Variants in L3MBTL4 observed in about 807,000 individuals in gnomAD.
L3MBTL4 encodes L3MBTL histone methyl-lysine binding protein 4.
A neutral mutation model predicts 84.5 loss-of-function variants in L3MBTL4; 70 were observed. The ratio of observed to expected loss-of-function variants is 0.83; its 90% CI spans 0.68 to 1.01. The LOEUF (loss-of-function observed/expected upper bound fraction) is 1.01, where lower values mean the gene tolerates loss of function less well. L3MBTL4 is among the 50% of genes least tolerant of loss of function. The pLI, the probability that L3MBTL4 is intolerant of heterozygous loss-of-function variation, is 0.00. For synonymous variants in L3MBTL4, 274 were observed against 259.8 expected, an observed-to-expected ratio of 1.05 and a Z score of -0.52; for missense variants, 715 against 754.8, an observed-to-expected ratio of 0.95 and a Z score of 0.62.
chr18:6,059,947 A>G (rs1323215112), intron 16 of L3MBTL4, among the ~76,000 whole-genome samples: 3 of 152,218 alleles, frequency 2.0e-5, no homozygotes, highest in Non-Finnish European at 4.4e-5. Context: ...AACTGACTAC[A>G]TTCTATTCTA....
chr18:6,020,704 A>G (rs1294172861), intron 16 of L3MBTL4, among the ~76,000 whole-genome samples: 1 of 152,124 alleles, frequency 6.6e-6, no homozygotes, highest in African/African-American at 2.4e-5. Context: ...GTTATAGGTG[A>G]TTTGTGAAGG....
At chr18:6,208,827 C>A (rs1176472082) in intron 12 of L3MBTL4, among the ~76,000 whole-genome samples, 2 of 152,220 alleles carry the variant, frequency 1.3e-5, no homozygotes, top group African/African-American at 2.4e-5. Flanking sequence ...GAGCAACCAT[C>A]ATAATTAATA....
chr18:6,275,651 C>T (rs1322573152), intron 4 of L3MBTL4, among the ~76,000 whole-genome samples: 1 of 152,154 alleles, frequency 6.6e-6, no homozygotes, highest in Admixed American at 6.5e-5. Context: ...AAAATGGTAC[C>T]TTCACATGTG....
At chr18:6,035,486 C>G (rs1310773520) in intron 16 of L3MBTL4, among the ~76,000 whole-genome samples, 32 of 151,702 alleles carry the variant, frequency 2.1e-4, no homozygotes, top group Admixed American at 5.9e-4. Flanking sequence ...TCTGAGGGCT[C>G]TGTTCTGTTC....
At chr18:6,107,262 G>C (rs62079170) in intron 14 of L3MBTL4, among the ~76,000 whole-genome samples, 733 of 152,316 alleles carry the variant, frequency 4.8e-3, no homozygotes, top group Non-Finnish European at 6.8e-3. Flanking sequence ...CAGTTCAAGA[G>C]AGGAGACAGA....
intron 10 of L3MBTL4, among the ~76,000 whole-genome samples, chr18:6,227,797 A>G (rs1218767372): frequency 1.3e-5 from 2 of 152,152 alleles, no homozygotes; most frequent in African/African-American, 4.8e-5. Context: ...TCAGTTTCTG[A>G]GTAGCTGGGA....
intron 1 of L3MBTL4, among the ~76,000 whole-genome samples, chr18:6,357,451 A>G (rs1208730588): frequency 1.3e-5 from 2 of 152,298 alleles, no homozygotes; most frequent in African/African-American, 4.8e-5. Flanking sequence ...TATCTTTTCT[A>G]TAAAACCAGC....
rs1403370595 is a variant in L3MBTL4, at chr18:5,969,243, A to G, written c.1614+150T>C. ...AGAATCATATCTGGCTTCTCCCTCT[A>G]ATTTAGGTTTTAAAGTTTACATGGC... On this transcript the variant is annotated intron_variant, in intron 17 of 18. Transcript: ENST00000317931. The G allele has an allele frequency of 5.0e-6, 4 of 805,732 alleles. No homozygotes were observed. The African/African-American group carries it at 5.2e-5, about 10-fold the overall frequency. The allele number at this position is 805,732 out of a possible 1,614,324, so 49.9% of individuals were successfully genotyped here.
chr18:6,277,819 A>G (rs1417521742), intron 4 of L3MBTL4, among the ~76,000 whole-genome samples: 1 of 152,124 alleles, frequency 6.6e-6, no homozygotes, highest in Non-Finnish European at 1.5e-5. Context: ...AGGTAATAAT[A>G]AGTTTTTGTA....
chr18:6,042,358 T>TACGTGCACACACACAGAC (rs943479792), intron 16 of L3MBTL4, among the ~76,000 whole-genome samples: 3 of 151,526 alleles, frequency 2.0e-5, no homozygotes, highest in Non-Finnish European at 4.4e-5. Context: ...CACACACACA[T>TACGTGCACACACACAGAC]ACGTGCACAC....
At chr18:6,068,063 C>T (rs2057456391) in intron 16 of L3MBTL4, among the ~76,000 whole-genome samples, 1 of 152,074 alleles carries the variant, frequency 6.6e-6, no homozygotes, top group South Asian at 2.1e-4. Context: ...GGGGAAGACT[C>T]TGTAGGAGTT....
At chr18:6,248,630 T>C (rs974808358) in intron 5 of L3MBTL4, among the ~76,000 whole-genome samples, 5 of 152,214 alleles carry the variant, frequency 3.3e-5, no homozygotes, top group African/African-American at 1.2e-4. Context: ...TTTGTAAAGA[T>C]AAGCAGTTAT....
intron 1 of L3MBTL4, among the ~76,000 whole-genome samples, chr18:6,319,454 G>A (rs1313282016): frequency 6.6e-6 from 1 of 151,838 alleles, no homozygotes; most frequent in Non-Finnish European, 1.5e-5. Flanking sequence ...ATGACATTAC[G>A]ACCAAAACCA....
At chr18:6,321,654 C>T (rs950484609) in intron 1 of L3MBTL4, among the ~76,000 whole-genome samples, 1 of 152,084 alleles carries the variant, frequency 6.6e-6, no homozygotes, top group African/African-American at 2.4e-5. Context: ...AACCTAAGTA[C>T]CATCGTTCAG....
At chr18:6,375,128 G>C (rs1203668481) in intron 1 of L3MBTL4, among the ~76,000 whole-genome samples, 2 of 151,990 alleles carry the variant, frequency 1.3e-5, no homozygotes, top group Admixed American at 6.6e-5. Flanking sequence ...CTGACTCACA[G>C]GTGCCTTCCA....
intron 13 of L3MBTL4, among the ~76,000 whole-genome samples, chr18:6,164,670 A>G (rs2043550047): frequency 1.3e-5 from 2 of 152,106 alleles, no homozygotes; most frequent in African/African-American, 2.4e-5. Flanking sequence ...CACACCAAAA[A>G]CCCATCTGTA....
chr18:6,015,236 A>G, intron 16 of L3MBTL4, among the ~76,000 whole-genome samples: 2 of 152,048 alleles, frequency 1.3e-5, no homozygotes, highest in East Asian at 1.9e-4. Flanking sequence ...TAGAGAAGAC[A>G]TAAGGTCTGG....
intron 13 of L3MBTL4, among the ~76,000 whole-genome samples, chr18:6,139,757 CA>C (rs1208412723): frequency 9.2e-5 from 14 of 152,154 alleles, no homozygotes; most frequent in Non-Finnish European, 1.9e-4. Context: ...CAGCCCTCCA[CA>C]GGGGTCACAT....
chr18:6,173,340 G>A (rs1423524639), intron 12 of L3MBTL4, among the ~76,000 whole-genome samples: 1 of 152,130 alleles, frequency 6.6e-6, no homozygotes, highest in Non-Finnish European at 1.5e-5. Flanking sequence ...ACATCAGCCT[G>A]GAGACAATTT....
Sources: allele counts gnomAD v4.1 joint callset (sites outside exome capture counted in the v4.1 genomes callset), GRCh38; gene constraint gnomAD v4.1.1; transcripts MANE v1.5; gene names NCBI Gene and HGNC (gene_info 2026-07-23, HGNC 2026-07-21).